MEAK7: variants seen among roughly 807,000 people sequenced by gnomAD.
The protein encoded by MEAK7 is MTOR associated protein MEAK7, also known as MTOR-associated protein MEAK7.
Under a neutral mutation model 40.5 loss-of-function variants are expected in MEAK7, and 68 were observed. That is an observed-to-expected ratio of 1.68 (90% CI 1.38 to 2.06). The LOEUF (loss-of-function observed/expected upper bound fraction) is 2.06, where lower values mean the gene tolerates loss of function less well. Among genes scored for constraint, MEAK7 ranks in the 30% most tolerant of loss-of-function variants. MEAK7 has a pLI of 0.00. For missense variants in MEAK7, 918 were observed against 580.5 expected (o/e 1.58, Z -5.98); for synonymous variants, 338 against 231.9 (o/e 1.46, Z -4.16).
intron 1 of MEAK7, chr16:84,499,772 C>G (rs1914347954): frequency 6.6e-6 from 1 of 152,198 alleles, no homozygotes. Flanking sequence ...CGTGGTGGCT[C>G]ACACCTGTCA....
intron 3 of MEAK7, among the ~76,000 whole-genome samples, chr16:84,492,667 C>T (rs1913724014): frequency 1.3e-5 from 2 of 152,026 alleles, no homozygotes; most frequent in African/African-American, 2.4e-5. Context: ...CTGCAACCTC[C>T]ACCTCTCGAG....
chr16:84,498,784 G>GGAC (rs1397208359), intron 1 of MEAK7, among the ~76,000 whole-genome samples: 1 of 152,146 alleles, frequency 6.6e-6, no homozygotes, highest in African/African-American at 2.4e-5. Context: ...ACCAGAGTTA[G>GGAC]AAAATATAAA....
chr16:84,483,388 G>C (rs1373632434), intron 5 of MEAK7, among the ~76,000 whole-genome samples: 1 of 152,236 alleles, frequency 6.6e-6, no homozygotes, highest in Non-Finnish European at 1.5e-5. Flanking sequence ...GGAGCTCCCA[G>C]CGAGGGACAC....
At chr16:84,497,383 G>A (rs548741805) in intron 2 of MEAK7, 1 of 1,248,322 alleles carries the variant, frequency 8.0e-7, no homozygotes, top group Non-Finnish European at 1.0e-6. Flanking sequence ...TATTTTGTTA[G>A]GAATATCATG....
intron 5 of MEAK7, among the ~76,000 whole-genome samples, chr16:84,483,845 G>T (rs1036308237): frequency 1.3e-5 from 2 of 152,194 alleles, no homozygotes; most frequent in African/African-American, 4.8e-5. Context: ...GACAGGTACG[G>T]AACAGTGGGG....
At chr16:84,497,733 G>GGCAGA in intron 2 of MEAK7, 1 of 1,356,760 alleles carries the variant, frequency 7.4e-7, no homozygotes, top group Admixed American at 2.0e-5. Context: ...ACACAGTAAC[G>GGCAGA]GCAGAGCAGA....
At chr16:84,484,607 G>A (rs1174295045) in intron 5 of MEAK7, among the ~76,000 whole-genome samples, 4 of 152,132 alleles carry the variant, frequency 2.6e-5, no homozygotes, top group African/African-American at 7.2e-5. Flanking sequence ...AAAGGTTTAC[G>A]AAGCCACATT....
At position 84,479,795 on chromosome 16, in the gene MEAK7, T is replaced by C; in HGVS notation, c.*118A>G. The C allele has an allele frequency of 1.6e-6, 1 of 619,734 alleles. No homozygotes were observed. The allele number at this position is 619,734 out of a possible 1,614,324, so 38.4% of individuals were successfully genotyped here. A position where few individuals can be genotyped will look rare whatever the true frequency, so the allele number is the denominator to read the frequency against. On this transcript the variant is annotated 3_prime_UTR_variant, in exon 8 of 8. Coordinates refer to ENST00000343629, the MANE Select transcript of MEAK7 (RefSeq NM_020947.4). ...CTTGGCACATGTGGGACTACCAGGCTGTGACCCGTGCGGTACGCTATTACA... is the reference window on the plus strand; with the variant it reads ...CTTGGCACATGTGGGACTACCAGGCCGTGACCCGTGCGGTACGCTATTACA...
chr16:84,483,322 C>T (rs1216766691), intron 5 of MEAK7, among the ~76,000 whole-genome samples: 24 of 152,248 alleles, frequency 1.6e-4, no homozygotes, highest in Admixed American at 1.6e-3. Flanking sequence ...AGAGACTCCT[C>T]CACTCCATAA....
Position 84,497,469 on chromosome 16 carries a change from G to A in MEAK7, c.153+465C>T, listed in dbSNP as rs1423919157. The A allele has an allele frequency of 6.2e-6, 8 of 1,289,920 alleles. No homozygotes were observed. In the Admixed American group the frequency reaches 9.2e-5, roughly 15 times the overall value. 79.9% of individuals were successfully genotyped at this position (1,289,920 alleles called of 1,614,324 possible). ...GACACGTCATGGTTCCTGGACCGAC[G>A]AGTCCAGGAGGGCAGACCCATCACC... is the stretch of plus-strand genomic sequence containing the variant. On this transcript the variant is annotated intron_variant, in intron 2 of 7. Coordinates refer to ENST00000343629, the MANE Select transcript of MEAK7 (RefSeq NM_020947.4).
chr16:84,500,399 C>G lies in MEAK7; in HGVS notation c.-25-2288G>C, dbSNP rs138305401. The stretch of plus-strand genomic sequence containing the variant: ...GCCAAGTGCTCTCCACTCTATAATC[C>G]CATCAGTAAAGCATGAGCTTCCATC... On this transcript the variant is annotated intron_variant, in intron 1 of 7. Coordinates refer to ENST00000343629, the MANE Select transcript of MEAK7 (RefSeq NM_020947.4). Among the ~76,000 whole-genome samples the G allele has an allele frequency of 2.8e-3, 428 of 152,246 alleles. 3 individuals carry two copies. The highest frequency in any genetic ancestry group is 9.7e-3 in the African/African-American group (403 of 41,534).
intron 5 of MEAK7, 53 bp from the exon 6 acceptor site, chr16:84,482,763 A>G: frequency 6.2e-7 from 1 of 1,605,668 alleles, no homozygotes; most frequent in Non-Finnish European, 8.5e-7. Context: ...AGCCGGTCCC[A>G]CAGGGCCGGA....
At chr16:84,491,511 A>C (rs2927755) in intron 3 of MEAK7, among the ~76,000 whole-genome samples, 119,867 of 145,986 alleles carry the variant, frequency 0.82, 50,996 homozygotes, top group Non-Finnish European at 0.94. Flanking sequence ...TGCACTCCAG[A>C]CTGGGCAACG....
intron 1 of MEAK7, 38 bp from the exon 2 acceptor site, chr16:84,498,149 A>G: frequency 6.5e-7 from 1 of 1,527,298 alleles, no homozygotes; most frequent in East Asian, 2.3e-5. Flanking sequence ...AAAAATCAAA[A>G]TTTAATAATC....
rs369886770 is a variant in MEAK7 at position 84,481,888 on chromosome 16, C to T, written c.1077+704G>A. ...GGCGGAGCTTGCAGTGAGCCGAGAT[C>T]GCGCCACTGCACTCCAGCCTGGACA... On this transcript the variant is annotated intron_variant, in intron 6 of 7. Coordinates refer to ENST00000343629, the MANE Select transcript of MEAK7 (RefSeq NM_020947.4). Among the ~76,000 whole-genome samples, 23 of 152,186 alleles carry T rather than the reference C, an allele frequency of 1.5e-4. No homozygotes were observed. The South Asian group carries it at 4.8e-3, about 32-fold the overall frequency.
At chr16:84,487,507 G>C (rs413996) in intron 4 of MEAK7, 82,195 of 158,930 alleles carry the variant, frequency 0.52, 22,140 homozygotes, top group East Asian at 0.89. Flanking sequence ...AATGGGGCTG[G>C]AATAAATGCC....
At chr16:84,498,165 A>C in intron 1 of MEAK7, 54 bp from the exon 2 acceptor site, 1 of 1,520,490 alleles carries the variant, frequency 6.6e-7, no homozygotes, top group South Asian at 1.3e-5. Flanking sequence ...TAATCACAGA[A>C]AATAAATGTT....
chr16:84,492,573 A>ATTTATTTATTTATTTATTTAT (rs1913713608), intron 3 of MEAK7, among the ~76,000 whole-genome samples: 1 of 149,494 alleles, frequency 6.7e-6, no homozygotes, highest in Non-Finnish European at 1.5e-5. Flanking sequence ...GTTTTATTTT[A>ATTTATTTATTTATTTATTTAT]TTTATTTATT....
chr16:84,484,490 C>T (rs1912860762), intron 5 of MEAK7, among the ~76,000 whole-genome samples: 1 of 152,204 alleles, frequency 6.6e-6, no homozygotes, highest in South Asian at 2.1e-4. Context: ...AATCCAAAGC[C>T]TTGGGCCTTT....
Sources: allele counts gnomAD v4.1 joint callset (sites outside exome capture counted in the v4.1 genomes callset), GRCh38; gene constraint gnomAD v4.1.1; transcripts MANE v1.5; gene names NCBI Gene and HGNC (gene_info 2026-07-23, HGNC 2026-07-21).